NRXN3: variants seen among roughly 807,000 people sequenced by gnomAD.
The protein encoded by NRXN3 is neurexin III.
NRXN3 carries 32 observed loss-of-function variants against 137.6 expected under a neutral mutation model. The observed-to-expected ratio is 0.23, with a 90% CI of 0.18 to 0.31. The LOEUF (loss-of-function observed/expected upper bound fraction) is 0.31. Ranked by LOEUF, NRXN3 falls within the 10% of genes least tolerant of loss-of-function variation. The probability of loss-of-function intolerance (pLI) is 1.00; values close to 1 mark genes in which losing one functional copy is unlikely to be tolerated. For synonymous variants in NRXN3, 798 were observed against 784.5 expected, an observed-to-expected ratio of 1.02 and a Z score of -0.29; for missense variants, 1,574 against 2,062.5, an observed-to-expected ratio of 0.76 and a Z score of 4.59.
Position 78,885,783 on chromosome 14 carries a change from A to G in NRXN3, c.2276-71459A>G, listed in dbSNP as rs150177220. Among the ~76,000 whole-genome samples the G allele has an allele frequency of 1.2e-3, 189 of 152,238 alleles. 1 individual carries two copies. Among genetic ancestry groups the G allele is most frequent in the African/African-American group, 4.3e-3 (179 of 41,558 alleles). ...ATTTATAATAAGATTTCTACTTCCTATGTTAGCTAGAGTAAACACTAGCTA... is the reference window on the plus strand; with the variant it reads ...ATTTATAATAAGATTTCTACTTCCTGTGTTAGCTAGAGTAAACACTAGCTA... On this transcript the variant is annotated intron_variant, in intron 10 of 20. Transcript: ENST00000335750.
intron 6 of NRXN3, chr14:78,695,255 A>T (rs2098214550): frequency 6.6e-6 from 1 of 152,048 alleles, no homozygotes; most frequent in South Asian, 2.1e-4. Flanking sequence ...TCTCACCTCA[A>T]GATCCCTAAC....
chr14:79,787,687 T>A (rs1014659284), intron 19 of NRXN3, among the ~76,000 whole-genome samples: 2 of 152,198 alleles, frequency 1.3e-5, no homozygotes, highest in African/African-American at 2.4e-5. Flanking sequence ...CTTAGCATAA[T>A]GTCCTTTAGC....
At chr14:78,530,906 C>G (rs938710430) in intron 4 of NRXN3, among the ~76,000 whole-genome samples, 1 of 152,096 alleles carries the variant, frequency 6.6e-6, no homozygotes, top group African/African-American at 2.4e-5. Flanking sequence ...CATTTTTTCC[C>G]CTACTCATTA....
At chr14:78,991,693 G>T (rs749149067) in intron 15 of NRXN3, among the ~76,000 whole-genome samples, 1 of 152,194 alleles carries the variant, frequency 6.6e-6, no homozygotes, top group African/African-American at 2.4e-5. Flanking sequence ...GGCATGACTT[G>T]TAAGGCTCTA....
At chr14:78,406,436 TG>T (rs1379115428) in intron 4 of NRXN3, among the ~76,000 whole-genome samples, 1 of 152,182 alleles carries the variant, frequency 6.6e-6, no homozygotes, top group Non-Finnish European at 1.5e-5. Flanking sequence ...CAACTGTGGC[TG>T]GGGGTAGACA....
intron 16 of NRXN3, among the ~76,000 whole-genome samples, chr14:79,604,181 G>A (rs375961543): frequency 3.3e-5 from 5 of 151,948 alleles, no homozygotes; most frequent in East Asian, 1.9e-4. Context: ...GTGAGCCACC[G>A]CGCCCTGCCA....
At chr14:78,313,622 A>G (rs28622591) in intron 4 of NRXN3, among the ~76,000 whole-genome samples, 1,996 of 152,298 alleles carry the variant, frequency 0.013, 47 homozygotes, top group African/African-American at 0.044. Flanking sequence ...AGCAGAACCA[A>G]GATAAACTGA....
chr14:79,764,378 A>G (rs1330750804), intron 19 of NRXN3, among the ~76,000 whole-genome samples: 2 of 152,208 alleles, frequency 1.3e-5, no homozygotes, highest in Admixed American at 6.5e-5. Context: ...AAAATCAGCT[A>G]TATGAAAAGG....
intron 8 of NRXN3, among the ~76,000 whole-genome samples, chr14:78,723,227 C>T (rs905269326): frequency 2.0e-5 from 3 of 152,140 alleles, no homozygotes; most frequent in African/African-American, 4.8e-5. Context: ...AGGAGACCAA[C>T]AGGTCAGCAT....
At chr14:78,990,053 A>C in intron 15 of NRXN3, among the ~76,000 whole-genome samples, 1 of 135,738 alleles carries the variant, frequency 7.4e-6, no homozygotes, top group East Asian at 2.0e-4. Flanking sequence ...GTGGAGTATC[A>C]CACTGTCTGA....
chr14:78,312,628 T>C (rs1785244082), intron 4 of NRXN3, among the ~76,000 whole-genome samples: 1 of 152,132 alleles, frequency 6.6e-6, no homozygotes, highest in African/African-American at 2.4e-5. Flanking sequence ...TAAGCCAGTA[T>C]CATTTCTGGG....
chr14:78,492,042 G>C (rs914611680), intron 4 of NRXN3, among the ~76,000 whole-genome samples: 1 of 152,128 alleles, frequency 6.6e-6, no homozygotes, highest in Non-Finnish European at 1.5e-5. Context: ...AGCTCTCTTA[G>C]CCTCTGTTTC....
intron 4 of NRXN3, among the ~76,000 whole-genome samples, chr14:78,321,425 T>A (rs1327169043): frequency 2.6e-5 from 4 of 152,062 alleles, no homozygotes; most frequent in Non-Finnish European, 5.9e-5. Context: ...CCTATTTCTG[T>A]TTTTTTCTGG....
chr14:78,601,277 A>G (rs1305451234), intron 4 of NRXN3, among the ~76,000 whole-genome samples: 2 of 152,176 alleles, frequency 1.3e-5, no homozygotes, highest in East Asian at 1.9e-4. Flanking sequence ...TCCATTTGCA[A>G]TGACTTCACT....
At chr14:79,156,552 A>ATT (rs35027667) in intron 15 of NRXN3, among the ~76,000 whole-genome samples, 67 of 150,854 alleles carry the variant, frequency 4.4e-4, no homozygotes, top group South Asian at 8.3e-4. Context: ...ACCATTCTGG[A>ATT]TTTTTTTTTC....
intron 19 of NRXN3, among the ~76,000 whole-genome samples, chr14:79,774,472 C>T (rs1405327816): frequency 1.3e-5 from 2 of 152,040 alleles, no homozygotes; most frequent in East Asian, 3.9e-4. Context: ...TGAGATTTCC[C>T]TAGGAGTCTG....
intron 15 of NRXN3, among the ~76,000 whole-genome samples, chr14:79,335,228 A>G (rs1368777506): frequency 6.6e-6 from 1 of 151,854 alleles, no homozygotes; most frequent in East Asian, 1.9e-4. Flanking sequence ...TATTGTAAAG[A>G]AAGGAGATTT....
At chr14:79,642,621 A>G (rs535045036) in intron 16 of NRXN3, among the ~76,000 whole-genome samples, 1 of 134,358 alleles carries the variant, frequency 7.4e-6, no homozygotes, top group East Asian at 2.0e-4. Flanking sequence ...GCCCTGCAAG[A>G]TCTCCTTATC....
rs200794295 is a variant in NRXN3, at chr14:79,467,297, G to A, written c.3339G>A (p.Thr1113=). 40 of 1,613,446 alleles carry A rather than the reference G, an allele frequency of 2.5e-5. No individual in the cohort carries two copies. The East Asian group carries it at 3.6e-4, about 14-fold the overall frequency. ...YTWPANDRPS[T]RSDRLAVGFS... ...GGCCAGCCAATGACAGGCCCAGCAC[G>A]CGGTCTGACCGCCTTGCCGTGGGCT... Residue 1113 remains threonine (T), a synonymous_variant, in exon 16 of 21, where the codon ACG becomes ACA. Coordinates refer to ENST00000335750, the MANE Select transcript of NRXN3 (RefSeq NM_001330195.2).
Sources: gnomAD v4.1 joint callset for allele counts (sites outside exome capture counted in the v4.1 genomes callset) on GRCh38, gnomAD v4.1.1 for gene constraint, MANE v1.5 for transcripts, NCBI Gene and HGNC (gene_info 2026-07-23, HGNC 2026-07-21) for gene names.